SUSD1: variants seen among roughly 807,000 people sequenced by gnomAD.
The protein encoded by SUSD1 is sushi domain-containing protein 1.
Under a neutral mutation model 86.9 loss-of-function variants are expected in SUSD1, and 65 were observed. That is an observed-to-expected ratio of 0.75 (90% CI 0.61 to 0.92). The LOEUF (loss-of-function observed/expected upper bound fraction) is 0.92, where lower values mean the gene tolerates loss of function less well. Ranked by LOEUF, SUSD1 falls within the 40% of genes least tolerant of loss-of-function variation. The probability of loss-of-function intolerance (pLI) is 0.00; values close to 1 mark genes in which losing one functional copy is unlikely to be tolerated. For synonymous variants in SUSD1, 346 were observed against 350.0 expected (o/e 0.99, Z 0.13); for missense variants, 850 against 929.7 (o/e 0.91, Z 1.11).
At position 112,055,083 on chromosome 9, in the gene SUSD1, T is replaced by C. The variant is rs114670272; in HGVS notation, c.2110-2645A>G. Among the ~76,000 whole-genome samples the C allele has an allele frequency of 5.4e-3, 828 of 152,302 alleles. 13 individuals carry two copies. The highest frequency in any genetic ancestry group is 0.019 in the African/African-American group (783 of 41,574). Reference sequence around the variant, plus strand: ...AATGGCCGATTAGCCCATGAAAACATGGTCAGCATCACTTGTCATTAGGGA... The same window carrying C: ...AATGGCCGATTAGCCCATGAAAACACGGTCAGCATCACTTGTCATTAGGGA... On this transcript the variant is annotated intron_variant, in intron 14 of 16. Transcript: ENST00000374270.
intron 12 of SUSD1, among the ~76,000 whole-genome samples, chr9:112,078,297 T>G (rs867524728): frequency 4.6e-5 from 7 of 152,154 alleles, no homozygotes; most frequent in African/African-American, 1.4e-4. Flanking sequence ...TGAGCCATGA[T>G]CGTGCCTCTG....
At chr9:112,126,685 G>A (rs1831790207) in intron 5 of SUSD1, among the ~76,000 whole-genome samples, 1 of 152,144 alleles carries the variant, frequency 6.6e-6, no homozygotes, top group Non-Finnish European at 1.5e-5. Context: ...CTATACGTCT[G>A]AATCCCCTGG....
chr9:112,135,892 A>G (rs1832243087), intron 5 of SUSD1, among the ~76,000 whole-genome samples: 1 of 152,216 alleles, frequency 6.6e-6, no homozygotes, highest in Non-Finnish European at 1.5e-5. Context: ...CCCTTCCACA[A>G]AAGGAAACTG....
chr9:112,105,974 C>T (rs975590750), intron 8 of SUSD1, among the ~76,000 whole-genome samples: 2 of 152,040 alleles, frequency 1.3e-5, no homozygotes, highest in Non-Finnish European at 2.9e-5. Context: ...AATCAAATTG[C>T]TTACATCGAA....
At position 112,058,368 on chromosome 9, in the gene SUSD1, A is replaced by G. The variant is rs2296214; in HGVS notation, c.2109+60T>C. 1.9e-4 allele frequency: 304 copies of G among 1,564,276 alleles called. 1 individual carries two copies. In the East Asian group the frequency reaches 6.5e-3, roughly 34 times the overall value. On this transcript the variant is annotated intron_variant, in intron 14 of 16. Transcript: ENST00000374270. ...ATACTTGGAAAATAAATGTTCAAAC[A>G]TTTAAATGTCATACGAAGAAGAAAA...
At chr9:112,077,900 T>C (rs573265171) in intron 12 of SUSD1, among the ~76,000 whole-genome samples, 29 of 152,298 alleles carry the variant, frequency 1.9e-4, no homozygotes, top group African/African-American at 6.7e-4. Context: ...TAAAGTATTT[T>C]AAATGCTTTA....
chr9:112,139,504 G>A (rs900416456), intron 5 of SUSD1, among the ~76,000 whole-genome samples: 1 of 152,002 alleles, frequency 6.6e-6, no homozygotes, highest in African/African-American at 2.4e-5. Flanking sequence ...GGAGGGCAGG[G>A]TGTGATCATG....
At chr9:112,126,890 C>T (rs1424150212) in intron 5 of SUSD1, among the ~76,000 whole-genome samples, 2 of 152,102 alleles carry the variant, frequency 1.3e-5, no homozygotes, top group African/African-American at 4.8e-5. Context: ...CATATGCATT[C>T]CAACAGGATC....
intron 6 of SUSD1, among the ~76,000 whole-genome samples, chr9:112,116,427 C>A (rs1035129919): frequency 1.3e-5 from 2 of 152,184 alleles, no homozygotes; most frequent in African/African-American, 4.8e-5. Flanking sequence ...ATTAATGCTG[C>A]CCTTTTAATG....
At chr9:112,102,628 C>T (rs1019171038) in intron 8 of SUSD1, among the ~76,000 whole-genome samples, 2 of 152,200 alleles carry the variant, frequency 1.3e-5, no homozygotes, top group Admixed American at 6.5e-5. Context: ...TTAATCCTAT[C>T]GCTTGGATCG....
intron 5 of SUSD1, among the ~76,000 whole-genome samples, chr9:112,141,729 A>G (rs74353098): frequency 0.2 from 27,771 of 142,028 alleles, 2,773 homozygotes; most frequent in African/African-American, 0.23. Flanking sequence ...GTAATGTATT[A>G]TATATAATAT....
chr9:112,070,140 G>A (rs1477536238), intron 12 of SUSD1, among the ~76,000 whole-genome samples: 1 of 151,994 alleles, frequency 6.6e-6, no homozygotes. Flanking sequence ...CGAGTAGCTG[G>A]GATTACAGGC....
At chr9:112,051,990 G>T (rs1443625110) in intron 15 of SUSD1, among the ~76,000 whole-genome samples, 3 of 152,172 alleles carry the variant, frequency 2.0e-5, no homozygotes, top group African/African-American at 4.8e-5. Flanking sequence ...TAGCAGGAAA[G>T]AATCTTTCCC....
At chr9:112,143,691 A>T (rs1450022611) in intron 3 of SUSD1, 68 bp from the exon 4 acceptor site, 5 of 1,458,118 alleles carry the variant, frequency 3.4e-6, no homozygotes, top group Non-Finnish European at 3.7e-6. Context: ...AGGAGAGGAT[A>T]TTGTGACAGC....
chr9:112,070,187 G>A (rs1292092711), intron 12 of SUSD1, among the ~76,000 whole-genome samples: 1 of 152,016 alleles, frequency 6.6e-6, no homozygotes, highest in Non-Finnish European at 1.5e-5. Context: ...TGTATTTTTA[G>A]TAGAGACGGG....
intron 1 of SUSD1, among the ~76,000 whole-genome samples, chr9:112,159,431 A>G (rs901670200): frequency 6.6e-6 from 1 of 152,238 alleles, no homozygotes; most frequent in Non-Finnish European, 1.5e-5. Flanking sequence ...ACACAAAAAT[A>G]AGACAAACCG....
chr9:112,101,036 T>C (rs1264167805), intron 9 of SUSD1, among the ~76,000 whole-genome samples: 2 of 152,098 alleles, frequency 1.3e-5, no homozygotes, highest in East Asian at 1.9e-4. Flanking sequence ...CAAGTCCTAA[T>C]ATGTGATATA....
chr9:112,155,585 T>A (rs1833261771), intron 2 of SUSD1, among the ~76,000 whole-genome samples: 1 of 152,118 alleles, frequency 6.6e-6, no homozygotes, highest in African/African-American at 2.4e-5. Context: ...AGTGGGGATT[T>A]TTTTTTGGTT....
chr9:112,122,773 A>G (rs1831606180), intron 6 of SUSD1, among the ~76,000 whole-genome samples: 1 of 152,248 alleles, frequency 6.6e-6, no homozygotes, highest in African/African-American at 2.4e-5. Context: ...AACATGGGAT[A>G]CTCATATAAT....
Sources: gnomAD v4.1 joint callset for allele counts (sites outside exome capture counted in the v4.1 genomes callset) on GRCh38, gnomAD v4.1.1 for gene constraint, MANE v1.5 for transcripts, NCBI Gene and HGNC (gene_info 2026-07-23, HGNC 2026-07-21) for gene names.